The following TEX2 variants were observed in gnomAD, a reference collection of about 807,000 sequenced individuals.
The protein encoded by TEX2 is testis-expressed protein 2.
Under a neutral mutation model 106.9 loss-of-function variants are expected in TEX2, and 53 were observed. The ratio of observed to expected loss-of-function variants is 0.50; its 90% CI spans 0.40 to 0.62. The LOEUF (loss-of-function observed/expected upper bound fraction) is 0.62, where lower values mean the gene tolerates loss of function less well. Ranked by LOEUF, TEX2 falls within the 20% of genes least tolerant of loss-of-function variation. TEX2 has a pLI of 0.00. For synonymous variants in TEX2, 523 were observed against 534.8 expected (o/e 0.98, Z 0.30); for missense variants, 1,207 against 1,379.0 (o/e 0.88, Z 1.98).
At chr17:64,241,400 G>A (rs1457486877) in intron 1 of TEX2, among the ~76,000 whole-genome samples, 1 of 152,126 alleles carries the variant, frequency 6.6e-6, no homozygotes, top group Non-Finnish European at 1.5e-5. Context: ...CTCTCAAAAG[G>A]ACACTGACAC....
chr17:64,248,495 G>A (rs1555636525), intron 1 of TEX2, among the ~76,000 whole-genome samples: 1 of 152,206 alleles, frequency 6.6e-6, no homozygotes, highest in Non-Finnish European at 1.5e-5. Context: ...TTTCTAAGCA[G>A]TGTCATCTGC....
At chr17:64,256,354 G>A (rs929269910) in intron 1 of TEX2, among the ~76,000 whole-genome samples, 2 of 152,072 alleles carry the variant, frequency 1.3e-5, no homozygotes, top group Non-Finnish European at 2.9e-5. Context: ...GAAACTTCCC[G>A]AGGCCCCTTG....
intron 2 of TEX2, among the ~76,000 whole-genome samples, chr17:64,206,652 C>T (rs1336265660): frequency 1.3e-5 from 2 of 151,396 alleles, no homozygotes; most frequent in Admixed American, 1.3e-4. Context: ...CAACCTCCAC[C>T]TCCCAGGTTC....
At chr17:64,182,226 CAAA>C (rs1373135692) in intron 5 of TEX2, among the ~76,000 whole-genome samples, 1 of 151,986 alleles carries the variant, frequency 6.6e-6, no homozygotes, top group Admixed American at 6.6e-5. Context: ...AAGTCAGTCA[CAAA>C]AAGACAAATA....
chr17:64,170,023 C>A (rs1488583024), intron 7 of TEX2, among the ~76,000 whole-genome samples: 1 of 152,104 alleles, frequency 6.6e-6, no homozygotes, highest in East Asian at 1.9e-4. Context: ...CTAAATTTTC[C>A]CTGTCAAGAT....
chr17:64,218,579 T>A (rs1332243347), intron 1 of TEX2, among the ~76,000 whole-genome samples: 5 of 151,900 alleles, frequency 3.3e-5, no homozygotes, highest in African/African-American at 1.2e-4. Context: ...CCACCACACC[T>A]GGCTAATTTT....
chr17:64,160,263 T>C (rs752251583), intron 8 of TEX2, among the ~76,000 whole-genome samples: 6 of 152,204 alleles, frequency 3.9e-5, no homozygotes, highest in Non-Finnish European at 8.8e-5. Flanking sequence ...AGACAAACCC[T>C]AGGCAGCAGA....
chr17:64,225,947 G>GC (rs2033495221), intron 1 of TEX2, among the ~76,000 whole-genome samples: 1 of 152,040 alleles, frequency 6.6e-6, no homozygotes, highest in Non-Finnish European at 1.5e-5. Context: ...TGAACTCCTG[G>GC]CCTCAGGTGA....
chr17:64,191,817 CAAAAAAAAA>C (rs58376086), intron 4 of TEX2, among the ~76,000 whole-genome samples: 1 of 119,892 alleles, frequency 8.3e-6, no homozygotes. Context: ...GACTCCATCT[CAAAAAAAAA>C]AAAAAAAAAA....
intron 5 of TEX2, among the ~76,000 whole-genome samples, chr17:64,182,797 A>G: frequency 9.9e-6 from 1 of 100,836 alleles, no homozygotes; most frequent in Admixed American, 1.2e-4. Flanking sequence ...CGTCCTTTTT[A>G]TTGCATAATA....
intron 1 of TEX2, among the ~76,000 whole-genome samples, chr17:64,219,863 A>G (rs2033307800): frequency 6.6e-6 from 1 of 152,242 alleles, no homozygotes. Flanking sequence ...AGAGACGTCC[A>G]CATCCTAGTC....
intron 1 of TEX2, among the ~76,000 whole-genome samples, chr17:64,231,652 T>G (rs2033661224): frequency 6.6e-6 from 1 of 152,086 alleles, no homozygotes; most frequent in African/African-American, 2.4e-5. Context: ...TGAAGGGAGG[T>G]GAGAACTGAA....
At chr17:64,224,632 G>A (rs373064379) in intron 1 of TEX2, among the ~76,000 whole-genome samples, 17 of 151,872 alleles carry the variant, frequency 1.1e-4, no homozygotes, top group African/African-American at 2.9e-4. Flanking sequence ...CATCTCTTCC[G>A]ACCCAGCAGG....
chr17:64,249,802 C>T (rs1473149644), intron 1 of TEX2, among the ~76,000 whole-genome samples: 1 of 152,102 alleles, frequency 6.6e-6, no homozygotes, highest in Admixed American at 6.5e-5. Flanking sequence ...AGCCTTAAGA[C>T]AAAAGCTAGG....
intron 8 of TEX2, chr17:64,155,626 G>A (rs1567906224): frequency 6.6e-6 from 1 of 152,156 alleles, no homozygotes; most frequent in Non-Finnish European, 1.5e-5. Flanking sequence ...CAACTGACAT[G>A]AGAACCCAGG....
chr17:64,188,791 G>A (rs1366225078), intron 4 of TEX2, among the ~76,000 whole-genome samples: 1 of 150,860 alleles, frequency 6.6e-6, no homozygotes, highest in East Asian at 1.9e-4. Context: ...ACTCCAGTCT[G>A]GGCAACAGAG....
intron 4 of TEX2, 101 bp from the exon 5 acceptor site, chr17:64,188,516 T>A: frequency 6.5e-7 from 1 of 1,540,546 alleles, no homozygotes; most frequent in Admixed American, 1.9e-5. Context: ...CAAATGACTG[T>A]TTAAAAATAT....
In TEX2 at chr17:64,188,225, T is replaced by C; in HGVS notation, c.2367A>G (p.Arg789=). The C allele has an allele frequency of 2.5e-6, 4 of 1,613,202 alleles. No homozygotes were observed. Among genetic ancestry groups the C allele is most frequent in the Non-Finnish European group, 3.4e-6 (4 of 1,180,046 alleles). Reference sequence around the variant, plus strand: ...TCTGCAGGGGGCTCCTCTGGGGGCTTCGGCTTTCCTGGGGGACACACCTGC... The same window carrying C: ...TCTGCAGGGGGCTCCTCTGGGGGCTCCGGCTTTCCTGGGGGACACACCTGC... ...YMGRCVPQES[R]SPQRSPLQSA... Residue 789 remains arginine (R), a synonymous_variant, in exon 5 of 12, where the codon CGA becomes CGG. Transcript: ENST00000584379.
chr17:64,177,632 A>T (rs968899108), intron 5 of TEX2, among the ~76,000 whole-genome samples, 161 bp from the exon 6 acceptor site: 4 of 152,194 alleles, frequency 2.6e-5, no homozygotes, highest in Non-Finnish European at 5.9e-5. Flanking sequence ...TGTATTGGTG[A>T]CTAGGAAAGG....
Sources: gnomAD v4.1 joint callset for allele counts (sites outside exome capture counted in the v4.1 genomes callset) on GRCh38, gnomAD v4.1.1 for gene constraint, MANE v1.5 for transcripts, NCBI Gene and HGNC (gene_info 2026-07-23, HGNC 2026-07-21) for gene names.